DGKB: variants seen among roughly 807,000 people sequenced by gnomAD.
The protein encoded by DGKB is 90 kDa diacylglycerol kinase.
A neutral mutation model predicts 114.3 loss-of-function variants in DGKB; 67 were observed. The observed-to-expected ratio is 0.59, with a 90% confidence interval of 0.48 to 0.72. The LOEUF (loss-of-function observed/expected upper bound fraction) is 0.72. DGKB is among the 30% of genes least tolerant of loss of function. The probability of loss-of-function intolerance (pLI) is 0.00; values close to 1 mark genes in which losing one functional copy is unlikely to be tolerated. For missense variants in DGKB, 907 were observed against 975.2 expected (o/e 0.93, Z 0.93); for synonymous variants, 398 against 323.1 (o/e 1.23, Z -2.49).
chr7:14,750,235 T>G, intron 4 of DGKB: 1 of 487,528 alleles, frequency 2.1e-6, no homozygotes, highest in African/African-American at 1.9e-5. Flanking sequence ...TAAACAGATT[T>G]TGCAATATTA....
intron 20 of DGKB, among the ~76,000 whole-genome samples, chr7:14,571,303 G>A (rs888374117): frequency 6.6e-6 from 1 of 152,200 alleles, no homozygotes; most frequent in Non-Finnish European, 1.5e-5. Flanking sequence ...AAAACAAGTA[G>A]ATTCATTGTC....
At chr7:14,600,615 T>C (rs1399613873) in intron 17 of DGKB, among the ~76,000 whole-genome samples, 1 of 152,072 alleles carries the variant, frequency 6.6e-6, no homozygotes. Flanking sequence ...CAAAGTACAA[T>C]GGTGTACGAT....
At chr7:14,374,063 C>G (rs943188911) in intron 21 of DGKB, among the ~76,000 whole-genome samples, 2 of 152,076 alleles carry the variant, frequency 1.3e-5, no homozygotes, top group Non-Finnish European at 2.9e-5. Context: ...TTCTCCTCTT[C>G]CAATCTCTCT....
chr7:14,970,228 TGATGAACTA>T (rs1244918410), intron 1 of DGKB, among the ~76,000 whole-genome samples: 1 of 152,164 alleles, frequency 6.6e-6, no homozygotes. Context: ...ACGATGATGA[TGATGAACTA>T]TCACCATCAC....
At chr7:14,933,899 A>G (rs1038375701) in intron 1 of DGKB, among the ~76,000 whole-genome samples, 5 of 152,198 alleles carry the variant, frequency 3.3e-5, no homozygotes, top group Non-Finnish European at 5.9e-5. Flanking sequence ...TAAATCAATT[A>G]TAGCACATAA....
intron 13 of DGKB, among the ~76,000 whole-genome samples, chr7:14,663,177 C>T (rs1817459151): frequency 1.3e-5 from 2 of 151,974 alleles, no homozygotes; most frequent in South Asian, 2.1e-4. Context: ...TACTCTCTCA[C>T]CTGCAATGGA....
chr7:14,682,934 TATCC>T, intron 10 of DGKB, 93 bp from the exon 11 acceptor site: 1 of 811,824 alleles, frequency 1.2e-6, no homozygotes, highest in Non-Finnish European at 2.1e-6. Flanking sequence ...CCTCATTTCA[TATCC>T]ACTGCTCCCT....
chr7:14,504,555 G>A (rs1001010510), intron 20 of DGKB, among the ~76,000 whole-genome samples: 1 of 152,044 alleles, frequency 6.6e-6, no homozygotes, highest in African/African-American at 2.4e-5. Context: ...TCATCTGCTT[G>A]AGATGCATGA....
chr7:14,763,280 C>T (rs1040641530), intron 2 of DGKB, among the ~76,000 whole-genome samples: 5 of 152,074 alleles, frequency 3.3e-5, no homozygotes, highest in Admixed American at 1.3e-4. Context: ...TAGGTTGTAA[C>T]TCATCCTCCA....
At chr7:14,936,137 G>A (rs1785261573) in intron 1 of DGKB, among the ~76,000 whole-genome samples, 1 of 152,118 alleles carries the variant, frequency 6.6e-6, no homozygotes, top group Non-Finnish European at 1.5e-5. Flanking sequence ...GTTTATATAG[G>A]TAAACTCTAA....
chr7:14,474,780 A>T (rs771508917), intron 21 of DGKB, among the ~76,000 whole-genome samples: 4 of 151,936 alleles, frequency 2.6e-5, no homozygotes, highest in Non-Finnish European at 5.9e-5. Flanking sequence ...TTTAAATACC[A>T]ATATTATGTA....
intron 2 of DGKB, among the ~76,000 whole-genome samples, chr7:14,808,369 G>A (rs776808199): frequency 1.8e-4 from 28 of 151,968 alleles, no homozygotes; most frequent in Non-Finnish European, 2.8e-4. Flanking sequence ...TGCACATTGA[G>A]GTAGTTGTAG....
intron 22 of DGKB, among the ~76,000 whole-genome samples, chr7:14,339,955 A>G (rs1811331514): frequency 6.6e-6 from 1 of 151,796 alleles, no homozygotes; most frequent in African/African-American, 2.4e-5. Context: ...AAACAAAACA[A>G]AACAAAAAAA....
intron 1 of DGKB, among the ~76,000 whole-genome samples, chr7:14,873,660 CAT>C (rs1442556823): frequency 7.9e-5 from 12 of 151,966 alleles, no homozygotes; most frequent in African/African-American, 2.7e-4. Flanking sequence ...TATATATACA[CAT>C]ACATATGTAT....
chr7:14,811,793 T>C (rs1022476187), intron 2 of DGKB, among the ~76,000 whole-genome samples: 3 of 132,836 alleles, frequency 2.3e-5, no homozygotes, highest in African/African-American at 9.2e-5. Context: ...AATATATATA[T>C]GTATATATAC....
intron 23 of DGKB, among the ~76,000 whole-genome samples, chr7:14,318,399 C>T (rs1387968900): frequency 3.3e-5 from 5 of 151,966 alleles, no homozygotes; most frequent in Non-Finnish European, 5.9e-5. Context: ...TGACAAAGGG[C>T]TAATATCCAG....
rs950036978 is a variant in DGKB, at chr7:14,419,933, T to C, written c.1835+58228A>G. On this transcript the variant is annotated intron_variant, in intron 21 of 25. Coordinates refer to ENST00000402815, the MANE Select transcript of DGKB (RefSeq NM_001350709.2). ...AAATAGACATTGTGTCTGGCTGGTA[T>C]TTGGGACATGGAAGAGCGACATCTA... Among the ~76,000 whole-genome samples, 14 of 152,164 alleles carry C rather than the reference T, an allele frequency of 9.2e-5. 3 individuals carry two copies. The East Asian group carries it at 9.7e-4, about 10-fold the overall frequency.
At chr7:14,470,848 A>G (rs982809091) in intron 21 of DGKB, among the ~76,000 whole-genome samples, 9 of 151,740 alleles carry the variant, frequency 5.9e-5, no homozygotes, top group African/African-American at 2.2e-4. Flanking sequence ...TATCATCATG[A>G]TGTAAGACAA....
At chr7:14,769,123 AAG>A (rs756712026) in intron 2 of DGKB, among the ~76,000 whole-genome samples, 109 of 89,168 alleles carry the variant, frequency 1.2e-3, no homozygotes, top group South Asian at 5.1e-3. Context: ...GAAAGAAAGA[AAG>A]AGAGAGAGAG....
Sources: gnomAD v4.1 joint callset for allele counts (sites outside exome capture counted in the v4.1 genomes callset) on GRCh38, gnomAD v4.1.1 for gene constraint, MANE v1.5 for transcripts, NCBI Gene and HGNC (gene_info 2026-07-23, HGNC 2026-07-21) for gene names.